TNNT2: variants seen among roughly 807,000 people sequenced by gnomAD.
The protein encoded by TNNT2 is troponin T2, cardiac type.
In TNNT2, 34 loss-of-function variants were observed where a neutral mutation model predicts 62.4. The observed-to-expected ratio is 0.54, with a 90% CI of 0.41 to 0.72. TNNT2 has a LOEUF of 0.72. Among genes scored for constraint, TNNT2 ranks in the 30% least tolerant of loss-of-function variants. The pLI is 0.00. For synonymous variants in TNNT2, 123 were observed against 127.2 expected, an observed-to-expected ratio of 0.97 and a Z score of 0.22; for missense variants, 275 against 381.9, an observed-to-expected ratio of 0.72 and a Z score of 2.33.
chr1:201,367,401 C>A, intron 7 of TNNT2: 1 of 433,618 alleles, frequency 2.3e-6, no homozygotes, highest in Non-Finnish European at 4.3e-6. Context: ...CAGCAATGAC[C>A]CACCATGACC....
intron 9 of TNNT2, 116 bp from the exon 10 acceptor site, chr1:201,365,423 T>A: frequency 8.3e-7 from 1 of 1,208,074 alleles, no homozygotes; most frequent in South Asian, 1.2e-5. Context: ...GCCTGGCGCC[T>A]GGCCAGGGAA....
chr1:201,367,948 A>G, intron 6 of TNNT2, 142 bp from the exon 7 acceptor site: 1 of 1,091,268 alleles, frequency 9.2e-7, no homozygotes, highest in Non-Finnish European at 1.4e-6. Context: ...GCTGTCTCTC[A>G]CACACACATT....
rs555176615 is a variant in TNNT2 at position 201,361,219 on chromosome 1, C to T, written c.810+60G>A. Reference sequence around the variant, plus strand: ...GGGACCTGCAGCAGTATTACCGGACCCAGTGAACCAGGAGGAGTGTGAGAT... The same window carrying T: ...GGGACCTGCAGCAGTATTACCGGACTCAGTGAACCAGGAGGAGTGTGAGAT... On this transcript the variant is annotated intron_variant, in intron 15 of 16. Transcript: ENST00000656932. 3.3e-6 allele frequency: 5 copies of T among 1,528,302 alleles called. No homozygotes were observed. In the East Asian group the frequency reaches 6.8e-5, roughly 21 times the overall value. The allele number at this position is 1,528,302 out of a possible 1,614,324, so 94.7% of individuals were successfully genotyped here. A position where few individuals can be genotyped will look rare whatever the true frequency, so the allele number is the denominator to read the frequency against.
intron 4 of TNNT2, 83 bp downstream of exon 4, chr1:201,371,944 T>G: frequency 3.1e-4 from 480 of 1,557,370 alleles, no homozygotes; most frequent in Non-Finnish European, 3.8e-4. Flanking sequence ...CAGGGACAGA[T>G]GAGCTGCTTT....
At chr1:201,359,397 G>A in intron 16 of TNNT2, 142 bp from the exon 17 acceptor site, 1 of 1,144,796 alleles carries the variant, frequency 8.7e-7, no homozygotes, top group Non-Finnish European at 1.3e-6. Flanking sequence ...AGCAGCCTGA[G>A]GCTGGAGGGA....
rs786204406 is a variant in TNNT2, at chr1:201,364,334, C to G, written c.453G>C (p.Arg151=). 1 of 1,613,380 alleles carries G rather than the reference C, an allele frequency of 6.2e-7. No individual in the cohort carries two copies. The highest frequency in any genetic ancestry group is 1.7e-5 in the Admixed American group (1 of 60,024). Residue 151 remains arginine (R), a synonymous_variant, in exon 11 of 17, where the codon CGG becomes CGC. Coordinates refer to ENST00000656932, the MANE Select transcript of TNNT2 (RefSeq NM_001276345.2). ...RAERAEQQRI[R]NEREKERQNR... is the part of the protein sequence containing the mutation. ...TCTGCCGCTCCTTCTCCCGCTCATT[C>G]CGGATGCGCTGCTGCTCGGCCCGCT...
chr1:201,363,055 G>T, intron 12 of TNNT2: 2 of 953,090 alleles, frequency 2.1e-6, no homozygotes, highest in Non-Finnish European at 2.5e-6. Flanking sequence ...GGCATGGGGG[G>T]CACCATTGGT....
chr1:201,369,600 C>G (rs1660284707), intron 5 of TNNT2, among the ~76,000 whole-genome samples: 1 of 152,200 alleles, frequency 6.6e-6, no homozygotes, highest in Non-Finnish European at 1.5e-5. Context: ...GATCCAGGAA[C>G]CAGGAAGAGG....
At chr1:201,369,354 A>C in intron 5 of TNNT2, 1 of 473,584 alleles carries the variant, frequency 2.1e-6, no homozygotes, top group Non-Finnish European at 4.4e-6. Context: ...GGCTATTTCC[A>C]GTCTCCCTGG....
rs1441511690 is a variant in TNNT2 at position 201,361,999 on chromosome 1, C to T, written c.633G>A (p.Arg211=). 1 of 1,614,074 alleles carries T rather than the reference C, an allele frequency of 6.2e-7. No individual in the cohort carries two copies. Among genetic ancestry groups the T allele is most frequent in the Non-Finnish European group, 8.5e-7 (1 of 1,180,040 alleles). Residue 211 remains arginine (R), a synonymous_variant, in exon 14 of 17, where the codon AGG becomes AGA. Transcript: ENST00000656932. ...QAQTERKSGK[R]QTEREKKKKI... ...TCTTCTTCTTTTCCCGCTCAGTCTG[C>T]CTCTTCCCACTTTTCCGCTCTGTCT...
rs1384231060 is a variant in TNNT2 at position 201,365,173 on chromosome 1, G to A, written c.411+18C>T. ...CTGGGCCATCAGAGAATGTTAGGTG[G>A]GCAGACTGGACACCTACGATCCTGT... On this transcript the variant is annotated intron_variant, in intron 10 of 16. Coordinates refer to ENST00000656932, the MANE Select transcript of TNNT2 (RefSeq NM_001276345.2). The A allele has an allele frequency of 6.3e-7, 1 of 1,576,248 alleles. No homozygotes were observed. The highest frequency in any genetic ancestry group is 8.7e-7 in the Non-Finnish European group (1 of 1,145,600).
intron 11 of TNNT2, 37 bp downstream of exon 11, chr1:201,364,261 G>A (rs753934531): frequency 6.3e-7 from 1 of 1,596,376 alleles, no homozygotes; most frequent in East Asian, 2.2e-5. Flanking sequence ...CTGGGAGCAT[G>A]GGGGGCCTCC....
At chr1:201,368,375 G>A in intron 5 of TNNT2, 148 bp from the exon 6 acceptor site, 1 of 799,486 alleles carries the variant, frequency 1.3e-6, no homozygotes, top group Non-Finnish European at 2.1e-6. Context: ...ACGTGCTGGG[G>A]GGCTGCCATT....
intron 14 of TNNT2, 113 bp downstream of exon 14, chr1:201,361,800 A>C: frequency 9.5e-7 from 1 of 1,047,184 alleles, no homozygotes; most frequent in South Asian, 1.3e-5. Flanking sequence ...GCCATGGGAA[A>C]ATATGTGAGG....
chr1:201,363,317 A>T lies in TNNT2; in HGVS notation c.579T>A (p.His193Gln), dbSNP rs1226571920. 6.2e-7 allele frequency: 1 copy of T among 1,613,992 alleles called. No individual in the cohort carries two copies. The highest frequency in any genetic ancestry group is 8.5e-7 in the Non-Finnish European group (1 of 1,179,978). The change falls in exon 12 of 17, where the codon CAT (histidine) becomes CAA (glutamine). Residue 193 changes from histidine (H) to glutamine (Q), a missense_variant. Transcript: ENST00000656932. The stretch of plus-strand genomic sequence containing the variant: ...CTACCTTCTGGATGTAACCCCCAAA[A>T]TGCATCATGTTGGACAAAGCCTTCT... ...RKKKALSNMMHFGGYIQKQAQ... is the reference protein window; with the variant it reads ...RKKKALSNMMQFGGYIQKQAQ...
chr1:201,372,301 T>A, intron 2 of TNNT2, 146 bp from the exon 3 acceptor site: 1 of 1,175,470 alleles, frequency 8.5e-7, no homozygotes, highest in Non-Finnish European at 1.2e-6. Context: ...CACGCTGCCC[T>A]GCCCACCTTG....
intron 15 of TNNT2, 173 bp downstream of exon 15, chr1:201,361,106 G>T: frequency 1.3e-6 from 1 of 741,516 alleles, no homozygotes; most frequent in Non-Finnish European, 2.5e-6. Context: ...TCGTCAATGC[G>T]GTGGACATGG....
intron 1 of TNNT2, among the ~76,000 whole-genome samples, chr1:201,377,073 A>G (rs902995898): frequency 4.6e-5 from 7 of 152,214 alleles, no homozygotes; most frequent in Admixed American, 1.3e-4. Flanking sequence ...GGTCGTTCTC[A>G]GTACTTCCAG....
rs867773334 is a variant in TNNT2, at chr1:201,366,366, C to A, written c.233+472G>T. On this transcript the variant is annotated intron_variant, in intron 8 of 16. Coordinates refer to ENST00000656932, the MANE Select transcript of TNNT2 (RefSeq NM_001276345.2). ...GGGAAATGCTCCCTATCCCCCAGCCCCCCCCAGCACACACCACCTTCAGGT... is the reference window on the plus strand; with the variant it reads ...GGGAAATGCTCCCTATCCCCCAGCCACCCCCAGCACACACCACCTTCAGGT... 3.3e-4 allele frequency: 345 copies of A among 1,030,626 alleles called. 1 individual carries two copies. Among genetic ancestry groups the A allele is most frequent in the Middle Eastern group, 2.4e-3 (5 of 2,068 alleles). 63.8% of individuals were successfully genotyped at this position (1,030,626 alleles called of 1,614,324 possible).
Sources: gnomAD v4.1 joint callset for allele counts (sites outside exome capture counted in the v4.1 genomes callset) on GRCh38, gnomAD v4.1.1 for gene constraint, MANE v1.5 for transcripts, NCBI Gene and HGNC (gene_info 2026-07-23, HGNC 2026-07-21) for gene names.